LRRC28: variants seen among roughly 807,000 people sequenced by gnomAD.
The protein encoded by LRRC28 is leucine-rich repeat-containing protein 28.
LRRC28 carries 39 observed loss-of-function variants against 45.7 expected under a neutral mutation model. The observed-to-expected ratio is 0.85, with a 90% CI of 0.66 to 1.12. LRRC28 has a LOEUF of 1.12. LRRC28 is among the 50% of genes most tolerant of loss of function. LRRC28 has a pLI of 0.00. For missense variants in LRRC28, 435 were observed against 438.5 expected, an observed-to-expected ratio of 0.99 and a Z score of 0.07; for synonymous variants, 206 against 178.8, an observed-to-expected ratio of 1.15 and a Z score of -1.22.
chr15:99,317,164 G>C (rs11247080), intron 5 of LRRC28, among the ~76,000 whole-genome samples: 2 of 151,752 alleles, frequency 1.3e-5, no homozygotes, highest in Admixed American at 1.3e-4. Flanking sequence ...CCTTGAGCAG[G>C]GTCCAAAATA....
At chr15:99,383,364 C>T (rs62025382) in intron 9 of LRRC28, among the ~76,000 whole-genome samples, 15,836 of 152,238 alleles carry the variant, frequency 0.1, 1,019 homozygotes, top group Non-Finnish European at 0.15. Flanking sequence ...AGGCTGTCTG[C>T]CTTGGTTCTC....
rs1958015832 is a variant in LRRC28 at position 99,387,005 on chromosome 15, C to T, written c.*903C>T. ...TGATGGGTTTATGATTCAGTTTATA[C>T]TGACTTTGAAATATTTTTGTCACAT... On this transcript the variant is annotated 3_prime_UTR_variant, in exon 10 of 10. Transcript: ENST00000301981. 6.6e-6 allele frequency: 1 copy of T among 152,096 alleles called. No homozygotes were observed. The allele number at this position is 152,096 out of a possible 1,614,324, so 9.4% of individuals were successfully genotyped here.
chr15:99,382,314 A>G (rs539792467), intron 9 of LRRC28, among the ~76,000 whole-genome samples: 207 of 152,306 alleles, frequency 1.4e-3, no homozygotes, highest in African/African-American at 4.1e-3. Flanking sequence ...CTCCGTGGGC[A>G]TGGGACCCTC....
At chr15:99,303,391 C>A (rs750659388) in intron 5 of LRRC28, among the ~76,000 whole-genome samples, 6 of 152,010 alleles carry the variant, frequency 3.9e-5, no homozygotes, top group Non-Finnish European at 7.4e-5. Context: ...GGATAATTTT[C>A]ATAAAAAAGC....
chr15:99,303,828 C>G (rs1955076254), intron 5 of LRRC28, among the ~76,000 whole-genome samples: 2 of 127,178 alleles, frequency 1.6e-5, no homozygotes, highest in African/African-American at 6.9e-5. Context: ...GAGTAAAACT[C>G]CATTGCAAAA....
Position 99,385,975 on chromosome 15 carries a change from C to CAA in LRRC28, c.1032-54_1032-53insAA, listed in dbSNP as rs1957974511. On this transcript the variant is annotated intron_variant, in intron 9 of 9. Transcript: ENST00000301981. ...GAAAAAAGTTTCCAGCAGAAAGAAT[C>CAA]AGAGACTTTAATCTTGAACTCACAG... is the stretch of plus-strand genomic sequence containing the variant. 6 of 1,509,404 alleles carry CAA rather than the reference C, an allele frequency of 4.0e-6. No homozygotes were observed. In the East Asian group the frequency reaches 1.4e-4, roughly 34 times the overall value. The allele number at this position is 1,509,404 out of a possible 1,614,324, so 93.5% of individuals were successfully genotyped here. A position where few individuals can be genotyped will look rare whatever the true frequency, so the allele number is the denominator to read the frequency against.
At chr15:99,366,345 A>C (rs1957339893) in intron 9 of LRRC28, among the ~76,000 whole-genome samples, 1 of 152,162 alleles carries the variant, frequency 6.6e-6, no homozygotes, top group Admixed American at 6.5e-5. Flanking sequence ...TCTTTTTATA[A>C]GGACACCATT....
At chr15:99,339,210 T>TTA (rs1956423818) in intron 6 of LRRC28, among the ~76,000 whole-genome samples, 1 of 152,228 alleles carries the variant, frequency 6.6e-6, no homozygotes, top group African/African-American at 2.4e-5. Context: ...GCATAATTAA[T>TTA]AAGTCCAATT....
At chr15:99,290,350 A>G (rs1040472726) in intron 5 of LRRC28, among the ~76,000 whole-genome samples, 2 of 151,930 alleles carry the variant, frequency 1.3e-5, no homozygotes, top group African/African-American at 4.8e-5. Flanking sequence ...TGAATGTCTT[A>G]TTTTTTCTAA....
At chr15:99,351,541 C>T (rs775263246) in intron 6 of LRRC28, among the ~76,000 whole-genome samples, 1 of 152,140 alleles carries the variant, frequency 6.6e-6, no homozygotes, top group Non-Finnish European at 1.5e-5. Flanking sequence ...GCCACTGTCA[C>T]ACCTCACGGG....
chr15:99,324,249 C>A (rs957973803), intron 5 of LRRC28, among the ~76,000 whole-genome samples: 2 of 152,174 alleles, frequency 1.3e-5, no homozygotes, highest in Non-Finnish European at 2.9e-5. Context: ...TTTCATCATG[C>A]TGCTCAAAAT....
At chr15:99,346,727 C>T (rs1196559184) in intron 6 of LRRC28, among the ~76,000 whole-genome samples, 1 of 152,002 alleles carries the variant, frequency 6.6e-6, no homozygotes, top group Non-Finnish European at 1.5e-5. Context: ...TGTAAATTTA[C>T]TTCTCTAGCT....
chr15:99,366,970 T>C (rs139341129), intron 9 of LRRC28, among the ~76,000 whole-genome samples: 1 of 152,290 alleles, frequency 6.6e-6, no homozygotes, highest in African/African-American at 2.4e-5. Flanking sequence ...CCAAAATTTG[T>C]GGGAAGTTCT....
chr15:99,273,508 A>C (rs866154600), intron 2 of LRRC28, among the ~76,000 whole-genome samples: 3 of 152,056 alleles, frequency 2.0e-5, no homozygotes, highest in African/African-American at 7.3e-5. Flanking sequence ...AAGTGCTGAG[A>C]TTACAGGCGT....
chr15:99,266,051 A>G (rs2081324716), intron 2 of LRRC28, among the ~76,000 whole-genome samples: 1 of 152,216 alleles, frequency 6.6e-6, no homozygotes, highest in Non-Finnish European at 1.5e-5. Context: ...GCTTATAGCT[A>G]AGCAACAGGA....
chr15:99,383,715 T>G (rs544169050), intron 9 of LRRC28, among the ~76,000 whole-genome samples: 1 of 152,258 alleles, frequency 6.6e-6, no homozygotes, highest in South Asian at 2.1e-4. Context: ...CCCTTGCAAA[T>G]ACATTTAGGC....
intron 5 of LRRC28, 48 bp from the exon 6 acceptor site, chr15:99,333,875 T>C: frequency 3.8e-6 from 6 of 1,570,080 alleles, no homozygotes; most frequent in Non-Finnish European, 4.4e-6. Context: ...TTTTGTTTAT[T>C]TCAGTTCATA....
intron 1 of LRRC28, among the ~76,000 whole-genome samples, chr15:99,252,560 T>C (rs887801275): frequency 7.9e-5 from 12 of 152,222 alleles, no homozygotes; most frequent in Admixed American, 7.8e-4. Flanking sequence ...GATGGAACTA[T>C]GGCATGTTAC....
At chr15:99,368,018 A>C (rs750069396) in intron 9 of LRRC28, among the ~76,000 whole-genome samples, 1 of 152,166 alleles carries the variant, frequency 6.6e-6, no homozygotes, top group Non-Finnish European at 1.5e-5. Flanking sequence ...ATGATACTCT[A>C]ATCACTTAGG....
Sources: allele counts gnomAD v4.1 joint callset (sites outside exome capture counted in the v4.1 genomes callset), GRCh38; gene constraint gnomAD v4.1.1; transcripts MANE v1.5; gene names NCBI Gene and HGNC (gene_info 2026-07-23, HGNC 2026-07-21).